Variants in BEGAIN observed in about 807,000 individuals in gnomAD.
The protein encoded by BEGAIN is brain enriched guanylate kinase associated.
BEGAIN carries 19 observed loss-of-function variants against 35.8 expected under a neutral mutation model. The ratio of observed to expected loss-of-function variants is 0.53; its 90% confidence interval spans 0.37 to 0.78. The LOEUF is 0.78. Ranked by LOEUF, BEGAIN falls within the 30% of genes least tolerant of loss-of-function variation. BEGAIN has a pLI of 0.00. For missense variants in BEGAIN, 795 were observed against 853.6 expected, an observed-to-expected ratio of 0.93 and a Z score of 0.85; for synonymous variants, 462 against 388.6, an observed-to-expected ratio of 1.19 and a Z score of -2.22.
chr14:100,570,580 C>T (rs1343233501), intron 1 of BEGAIN, among the ~76,000 whole-genome samples: 1 of 152,226 alleles, frequency 6.6e-6, no homozygotes, highest in Admixed American at 6.5e-5. Context: ...GCTCTGTGTC[C>T]CTGGACCAGC....
intron 2 of BEGAIN, among the ~76,000 whole-genome samples, chr14:100,560,511 G>A (rs886635290): frequency 6.6e-6 from 1 of 152,162 alleles, no homozygotes; most frequent in African/African-American, 2.4e-5. Flanking sequence ...AGCAGCCTGG[G>A]GTGGTGTGTG....
intron 2 of BEGAIN, among the ~76,000 whole-genome samples, chr14:100,560,792 CCT>C (rs930958775): frequency 1.7e-4 from 26 of 152,202 alleles, no homozygotes; most frequent in African/African-American, 6.0e-4. Flanking sequence ...ACAAGCATCC[CCT>C]GTCCCATCTC....
At chr14:100,559,538 T>A (rs1265961624) in intron 2 of BEGAIN, among the ~76,000 whole-genome samples, 1 of 152,232 alleles carries the variant, frequency 6.6e-6, no homozygotes, top group Admixed American at 6.5e-5. Flanking sequence ...ATTGCTGGCT[T>A]CATTACTGGC....
intron 1 of BEGAIN, chr14:100,577,900 C>G (rs1039455224): frequency 2.5e-6 from 1 of 399,134 alleles, no homozygotes; most frequent in African/African-American, 2.1e-5. Context: ...GCCGTCCTGC[C>G]TGGGACAGGT....
chr14:100,559,890 A>G (rs911858173), intron 2 of BEGAIN, among the ~76,000 whole-genome samples: 2 of 152,222 alleles, frequency 1.3e-5, no homozygotes, highest in Non-Finnish European at 2.9e-5. Context: ...TGTCAGCAGC[A>G]GCAATGTTTG....
At position 100,586,588 on chromosome 14, in the gene BEGAIN, G is replaced by T. The variant is rs1333009696; in HGVS notation, c.42+661C>A. On this transcript the variant is annotated intron_variant, in intron 1 of 6. Transcript: ENST00000554140. This position sits in a 1 kb window ranked among gnomAD's most constrained non-coding sequence, Gnocchi z 4.9. ...TGGGGCAGAAATTCCCATCCAACGT[G>T]CTGGGGCTCAGGGAGGGTGAGCGCG... Among the ~76,000 whole-genome samples, 2 of 152,184 alleles carry T rather than the reference G, an allele frequency of 1.3e-5. No individual in the cohort carries two copies. Among genetic ancestry groups the T allele is most frequent in the South Asian group, 2.1e-4 (1 of 4,828 alleles).
intron 2 of BEGAIN, among the ~76,000 whole-genome samples, chr14:100,554,121 GC>G (rs1420392986): frequency 6.6e-6 from 1 of 152,224 alleles, no homozygotes; most frequent in Admixed American, 6.5e-5. Context: ...GAGCTCCAGG[GC>G]CCCTGGTGTC....
chr14:100,556,774 A>G (rs555019904), intron 2 of BEGAIN, among the ~76,000 whole-genome samples: 1 of 152,222 alleles, frequency 6.6e-6, no homozygotes, highest in East Asian at 1.9e-4. Context: ...ATTTCAGGAA[A>G]GGCCTGCAGG....
chr14:100,559,110 G>C (rs1281884645), intron 2 of BEGAIN, among the ~76,000 whole-genome samples: 1 of 152,168 alleles, frequency 6.6e-6, no homozygotes, highest in Non-Finnish European at 1.5e-5. Flanking sequence ...CGGGAAGTTG[G>C]CTTGGGCTTG....
intron 1 of BEGAIN, among the ~76,000 whole-genome samples, chr14:100,580,237 A>T (rs1348820681): frequency 3.9e-5 from 6 of 152,202 alleles, no homozygotes; most frequent in Non-Finnish European, 8.8e-5. Context: ...CGGGAGGCAG[A>T]GGTTGCAGTG....
chr14:100,577,358 C>T (rs1330972672), intron 1 of BEGAIN: 4 of 399,144 alleles, frequency 1.0e-5, no homozygotes, highest in Non-Finnish European at 1.8e-5. Context: ...CCACGCTTGC[C>T]ACTGCCCAAG....
intron 2 of BEGAIN, 47 bp from the exon 3 acceptor site, chr14:100,546,709 G>A (rs1358823878): frequency 6.6e-7 from 1 of 1,512,366 alleles, no homozygotes; most frequent in South Asian, 1.2e-5. Flanking sequence ...GCTGAGCGGG[G>A]GAAACTAAGG....
At position 100,538,533 on chromosome 14, in the gene BEGAIN, G is replaced by A. The variant is rs750065145; in HGVS notation, c.1275C>T (p.Thr425=). ...NLWSLRAKPG[T]ARLPGEDMRG... Reference sequence around the variant, plus strand: ...TCATGTCCTCCCCGGGGAGCCGGGCGGTCCCCGGCTTGGCCCGCAGGCTCC... The same window carrying A: ...TCATGTCCTCCCCGGGGAGCCGGGCAGTCCCCGGCTTGGCCCGCAGGCTCC... Residue 425 remains threonine, a synonymous_variant, in exon 7 of 7, where the codon ACC becomes ACT. Coordinates refer to ENST00000554140, the MANE Select transcript of BEGAIN (RefSeq NM_001385089.1). The A allele has an allele frequency of 4.6e-6, 7 of 1,515,602 alleles. No individual in the cohort carries two copies. Among genetic ancestry groups the A allele is most frequent in the East Asian group, 4.7e-5 (2 of 43,006 alleles). The allele number at this position is 1,515,602 out of a possible 1,614,324, so 93.9% of individuals were successfully genotyped here. A position where few individuals can be genotyped will look rare whatever the true frequency, so the allele number is the denominator to read the frequency against.
In BEGAIN at chr14:100,567,705, G is replaced by C. The variant is rs1016905431; in HGVS notation, c.71+206C>G. On this transcript the variant is annotated intron_variant, in intron 2 of 6. Transcript: ENST00000554140. This position sits in a 1 kb window ranked among gnomAD's most constrained non-coding sequence, Gnocchi z 5.1. ...AGCCCCCGCCGCAGCGGCCCGGGCC[G>C]GCGGAGGAGCCCCGCGCGAGGCTCC... 3.3e-5 allele frequency among the ~76,000 whole-genome samples: 5 copies of C among 151,182 alleles called. No homozygotes were observed. The highest frequency in any genetic ancestry group is 4.1e-4 in the South Asian group (2 of 4,820).
At position 100,564,125 on chromosome 14, in the gene BEGAIN, G is replaced by C. The variant is rs145898038; in HGVS notation, c.71+3786C>G. ...GATCTTAGGGGCTGGCCGGGAGCAG[G>C]ATGGGGCTGTCTGTGGGGAAGGGTC... On this transcript the variant is annotated intron_variant, in intron 2 of 6. Coordinates refer to ENST00000554140, the MANE Select transcript of BEGAIN (RefSeq NM_001385089.1). 4.3e-4 allele frequency among the ~76,000 whole-genome samples: 65 copies of C among 151,164 alleles called. 1 individual carries two copies. In the East Asian group the frequency reaches 0.011, roughly 26 times the overall value.
At chr14:100,542,112 C>T (rs1294828145) in intron 5 of BEGAIN, among the ~76,000 whole-genome samples, 1 of 152,188 alleles carries the variant, frequency 6.6e-6, no homozygotes, top group Non-Finnish European at 1.5e-5. Flanking sequence ...AGAAGCACCT[C>T]CTGTCCCGAG....
chr14:100,545,076 G>C lies in BEGAIN; in HGVS notation c.234-10C>G. Reference sequence around the variant, plus strand: ...GTAGTTGCTCTGAATCCTGGTGCAGGAGGCAAGGGGGTCACTGCCATGCAA... The same window carrying C: ...GTAGTTGCTCTGAATCCTGGTGCAGCAGGCAAGGGGGTCACTGCCATGCAA... On this transcript the variant is annotated splice_polypyrimidine_tract_variant and intron_variant, in intron 3 of 6. Transcript: ENST00000554140. The C allele has an allele frequency of 6.2e-7, 1 of 1,613,210 alleles. No homozygotes were observed. The highest frequency in any genetic ancestry group is 1.1e-5 in the South Asian group (1 of 91,090).
chr14:100,564,615 T>C (rs973392342), intron 2 of BEGAIN, among the ~76,000 whole-genome samples: 3 of 151,956 alleles, frequency 2.0e-5, no homozygotes, highest in Admixed American at 6.6e-5. Flanking sequence ...GATAGCTGAG[T>C]GTGGCTGAGC....
At chr14:100,555,904 G>A (rs761989353) in intron 2 of BEGAIN, among the ~76,000 whole-genome samples, 16 of 152,194 alleles carry the variant, frequency 1.1e-4, no homozygotes, top group Non-Finnish European at 1.9e-4. Context: ...GCACAGAGAG[G>A]ACTCTGAATG....
Sources: gnomAD v4.1 joint callset for allele counts (sites outside exome capture counted in the v4.1 genomes callset) on GRCh38, gnomAD v4.1.1 for gene constraint, Gnocchi (gnomAD v3.1) non-coding constraint, MANE v1.5 for transcripts, NCBI Gene and HGNC (gene_info 2026-07-23, HGNC 2026-07-21) for gene names.